ZC3H18: variants seen among roughly 807,000 people sequenced by gnomAD.
ZC3H18 encodes zinc finger CCCH domain-containing protein 18.
In ZC3H18, 8 loss-of-function variants were observed where a neutral mutation model predicts 106.1. The observed-to-expected ratio is 0.08, with a 90% CI of 0.04 to 0.14. The LOEUF (loss-of-function observed/expected upper bound fraction) is 0.14, where lower values mean the gene tolerates loss of function less well. Ranked by LOEUF, ZC3H18 falls within the 10% of genes least tolerant of loss-of-function variation. The pLI is 1.00. For synonymous variants in ZC3H18, 635 were observed against 522.1 expected (o/e 1.22, Z -2.95); for missense variants, 1,318 against 1,278.4 (o/e 1.03, Z -0.47).
chr16:88,580,153 CATCT>C (rs1915019674), intron 2 of ZC3H18, among the ~76,000 whole-genome samples: 3 of 139,022 alleles, frequency 2.2e-5, no homozygotes, highest in Non-Finnish European at 3.1e-5. Flanking sequence ...GACACAGGTT[CATCT>C]GTGTGTGTGT....
chr16:88,616,438 C>T (rs762061964), intron 8 of ZC3H18, among the ~76,000 whole-genome samples: 2 of 152,208 alleles, frequency 1.3e-5, no homozygotes, highest in Non-Finnish European at 2.9e-5. Flanking sequence ...TTCTCTGCGT[C>T]GCTTGCCTGG....
At chr16:88,623,372 C>T in intron 10 of ZC3H18, 28 bp downstream of exon 10, 1 of 1,609,766 alleles carries the variant, frequency 6.2e-7, no homozygotes, top group Non-Finnish European at 8.5e-7. Flanking sequence ...ATGAAGGGCC[C>T]TCAGCAGGTG....
chr16:88,622,699 G>A, intron 9 of ZC3H18: 1 of 373,292 alleles, frequency 2.7e-6, no homozygotes, highest in Non-Finnish European at 4.9e-6. Flanking sequence ...CAGACCTGGG[G>A]CCCAGTGAGT....
intron 3 of ZC3H18, among the ~76,000 whole-genome samples, chr16:88,594,019 T>C (rs914567400): frequency 6.6e-6 from 1 of 152,124 alleles, no homozygotes; most frequent in Non-Finnish European, 1.5e-5. Context: ...CCTTGCTGAG[T>C]GCGGTGTCAG....
intron 8 of ZC3H18, among the ~76,000 whole-genome samples, chr16:88,612,730 G>A (rs986571482): frequency 1.3e-5 from 2 of 151,824 alleles, no homozygotes; most frequent in African/African-American, 4.8e-5. Flanking sequence ...GGCTGGGCAC[G>A]GTGGCTCACT....
intron 8 of ZC3H18, among the ~76,000 whole-genome samples, chr16:88,619,857 C>T (rs1007466661): frequency 6.6e-6 from 1 of 152,170 alleles, no homozygotes; most frequent in African/African-American, 2.4e-5. Flanking sequence ...TCCCTTTCCT[C>T]TTGGGGTGTT....
intron 7 of ZC3H18, 52 bp downstream of exon 7, chr16:88,609,103 G>T: frequency 7.0e-7 from 1 of 1,436,044 alleles, no homozygotes; most frequent in Non-Finnish European, 9.7e-7. Flanking sequence ...GTTCATTCAA[G>T]TTATCCCTTT....
At chr16:88,601,018 G>T (rs1259338070) in intron 6 of ZC3H18, among the ~76,000 whole-genome samples, 2 of 152,350 alleles carry the variant, frequency 1.3e-5, no homozygotes, top group East Asian at 3.9e-4. Context: ...TGCAGGGCTT[G>T]CACTCCAGGA....
At chr16:88,621,529 T>C (rs1418868552) in intron 8 of ZC3H18, among the ~76,000 whole-genome samples, 2 of 152,118 alleles carry the variant, frequency 1.3e-5, no homozygotes, top group Non-Finnish European at 1.5e-5. Flanking sequence ...GCCTAATTTT[T>C]GTATTCTTAG....
rs1409636499 is a variant in ZC3H18 at position 88,580,194 on chromosome 16, GTGTGTGTGTGTGTGTA to G, written c.603+2470_603+2485del. Among the ~76,000 whole-genome samples, 99 of 86,476 alleles carry G rather than the reference GTGTGTGTGTGTGTGTA, an allele frequency of 1.1e-3. 1 individual carries two copies. The highest frequency in any genetic ancestry group is 5.7e-3 in the Middle Eastern group (1 of 176). 56.7% of individuals were successfully genotyped at this position (86,476 alleles called of 152,430 possible). A position where few individuals can be genotyped will look rare whatever the true frequency, so the allele number is the denominator to read the frequency against. The stretch of plus-strand genomic sequence containing the variant: ...TGTGTGTGTGTGTGTGTGTGTGTGT[GTGTGTGTGTGTGTGTA>G]TATGTATATGTCTCTGCCTGCTGCT... On this transcript the variant is annotated intron_variant, in intron 2 of 17. Coordinates refer to ENST00000301011, the MANE Select transcript of ZC3H18 (RefSeq NM_144604.4).
At chr16:88,629,539 GT>G (rs1323756955) in intron 16 of ZC3H18, among the ~76,000 whole-genome samples, 1 of 152,188 alleles carries the variant, frequency 6.6e-6, no homozygotes, top group Non-Finnish European at 1.5e-5. Context: ...AATGGCATTG[GT>G]TTTTCCATTT....
rs1380608673 is a variant in ZC3H18 at position 88,593,745 on chromosome 16, AAGT to A, written c.689-4432_689-4430del. Among the ~76,000 whole-genome samples the A allele has an allele frequency of 2.0e-5, 3 of 152,222 alleles. No homozygotes were observed. The East Asian group carries it at 5.8e-4, about 29-fold the overall frequency. On this transcript the variant is annotated intron_variant, in intron 3 of 17. Transcript: ENST00000301011. ...GCAGATCCGGGTCCTGGCAGGAACA[AAGT>A]GAGCCTGTGGCTTCAAGGAGAACAA... is the stretch of plus-strand genomic sequence containing the variant.
intron 8 of ZC3H18, among the ~76,000 whole-genome samples, chr16:88,613,092 G>T (rs1230315126): frequency 6.6e-6 from 1 of 152,144 alleles, no homozygotes; most frequent in Non-Finnish European, 1.5e-5. Context: ...GTGTCTCTAG[G>T]TATCTGCCCA....
At chr16:88,624,087 T>G (rs1906142745) in intron 11 of ZC3H18, 25 bp downstream of exon 11, 2 of 1,605,744 alleles carry the variant, frequency 1.2e-6, no homozygotes, top group African/African-American at 2.7e-5. Context: ...TGTGGGCAAG[T>G]CCTGGCCGGC....
chr16:88,586,704 G>A lies in ZC3H18; in HGVS notation c.688+20G>A. The A allele has an allele frequency of 6.2e-7, 1 of 1,609,452 alleles. No individual in the cohort carries two copies. Among genetic ancestry groups the A allele is most frequent in the Non-Finnish European group, 8.5e-7 (1 of 1,175,966 alleles). ...TGAAAGGTAATTGTCTGCGTGTGAGGCCTTCTCGCAGCCAGCTGGGGCCCC... is the reference window on the plus strand; with the variant it reads ...TGAAAGGTAATTGTCTGCGTGTGAGACCTTCTCGCAGCCAGCTGGGGCCCC... On this transcript the variant is annotated intron_variant, in intron 3 of 17. Transcript: ENST00000301011.
intron 10 of ZC3H18, 28 bp downstream of exon 10, chr16:88,623,372 C>A: frequency 6.2e-7 from 1 of 1,609,766 alleles, no homozygotes. Flanking sequence ...ATGAAGGGCC[C>A]TCAGCAGGTG....
At chr16:88,582,219 CTTTTTTTTTT>C (rs71391393) in intron 2 of ZC3H18, among the ~76,000 whole-genome samples, 1 of 77,182 alleles carries the variant, frequency 1.3e-5, no homozygotes, top group East Asian at 4.2e-4. Flanking sequence ...TTTTTCTTTT[CTTTTTTTTTT>C]TTTTTTTTTT....
At chr16:88,617,356 C>T (rs547556936) in intron 8 of ZC3H18, among the ~76,000 whole-genome samples, 2 of 152,152 alleles carry the variant, frequency 1.3e-5, no homozygotes, top group Non-Finnish European at 2.9e-5. Context: ...TGAGGCTTAC[C>T]CACTCCTCCA....
chr16:88,615,340 T>C (rs888940363), intron 8 of ZC3H18, among the ~76,000 whole-genome samples: 1 of 152,172 alleles, frequency 6.6e-6, no homozygotes, highest in African/African-American at 2.4e-5. Context: ...GCCTGCTTTC[T>C]TGTTCCTCAT....
Sources: allele counts gnomAD v4.1 joint callset (sites outside exome capture counted in the v4.1 genomes callset), GRCh38; gene constraint gnomAD v4.1.1; transcripts MANE v1.5; gene names NCBI Gene and HGNC (gene_info 2026-07-23, HGNC 2026-07-21).